RAD51B: variants seen among roughly 807,000 people sequenced by gnomAD.
The protein encoded by RAD51B is RAD51 paralog B.
RAD51B carries 38 observed loss-of-function variants against 42.2 expected under a neutral mutation model. That is an observed-to-expected ratio of 0.90 (90% CI 0.70 to 1.18). The LOEUF is 1.18. RAD51B is among the 50% of genes most tolerant of loss of function. The pLI is 0.00. For missense variants in RAD51B, 373 were observed against 400.7 expected (o/e 0.93, Z 0.59); for synonymous variants, 154 against 145.2 (o/e 1.06, Z -0.43).
At chr14:68,192,125 CCAGA>C (rs2079280195) in intron 7 of RAD51B, among the ~76,000 whole-genome samples, 1 of 152,158 alleles carries the variant, frequency 6.6e-6, no homozygotes, top group African/African-American at 2.4e-5. Context: ...CACCTACAGG[CCAGA>C]CAAAGCCAAG....
At chr14:68,560,859 T>C (rs1430308743) in intron 10 of RAD51B, among the ~76,000 whole-genome samples, 2 of 152,092 alleles carry the variant, frequency 1.3e-5, no homozygotes, top group East Asian at 3.9e-4. Flanking sequence ...CAAGGCTACT[T>C]GACTTCGCTT....
chr14:68,460,353 TG>T (rs1221343883), intron 9 of RAD51B, among the ~76,000 whole-genome samples: 25 of 152,120 alleles, frequency 1.6e-4, no homozygotes, highest in Admixed American at 1.6e-3. Context: ...CTCGGGAGGC[TG>T]AGGCAGGAGA....
chr14:68,086,871 C>T (rs2076993174), intron 7 of RAD51B, among the ~76,000 whole-genome samples: 1 of 152,184 alleles, frequency 6.6e-6, no homozygotes, highest in African/African-American at 2.4e-5. Flanking sequence ...CGCGGTGGCT[C>T]ATGACTGTCA....
At chr14:68,674,900 C>A (rs1860268227) in intron 11 of RAD51B, among the ~76,000 whole-genome samples, 1 of 152,212 alleles carries the variant, frequency 6.6e-6, no homozygotes, top group Admixed American at 6.5e-5. Flanking sequence ...GGACGATGGG[C>A]CGCTGCTCAG....
intron 7 of RAD51B, among the ~76,000 whole-genome samples, chr14:67,997,679 A>G (rs1473944831): frequency 1.3e-5 from 2 of 152,150 alleles, no homozygotes; most frequent in African/African-American, 4.8e-5. Flanking sequence ...ATTTTTGGCC[A>G]TTAATTTTTC....
At chr14:68,679,811 A>C (rs892888511) in intron 11 of RAD51B, among the ~76,000 whole-genome samples, 1 of 152,178 alleles carries the variant, frequency 6.6e-6, no homozygotes, top group Non-Finnish European at 1.5e-5. Flanking sequence ...CAGGCCCCTG[A>C]TTGCCAAGTT....
At chr14:68,607,329 A>G (rs1351418044) in intron 10 of RAD51B, among the ~76,000 whole-genome samples, 2 of 152,112 alleles carry the variant, frequency 1.3e-5, no homozygotes, top group South Asian at 4.1e-4. Context: ...TCTTGTCCCA[A>G]TCCTGAGAGT....
At chr14:68,042,205 T>C (rs1335749922) in intron 7 of RAD51B, among the ~76,000 whole-genome samples, 1 of 152,228 alleles carries the variant, frequency 6.6e-6, no homozygotes, top group East Asian at 1.9e-4. Context: ...ATTTATATAG[T>C]TGTTTATTCA....
chr14:68,543,218 G>C (rs544693000), intron 10 of RAD51B, among the ~76,000 whole-genome samples: 1 of 152,318 alleles, frequency 6.6e-6, no homozygotes, highest in African/African-American at 2.4e-5. Context: ...TACAAAAATA[G>C]GTAGTGGGCT....
intron 8 of RAD51B, among the ~76,000 whole-genome samples, chr14:68,343,840 C>T (rs778507099): frequency 6.6e-6 from 1 of 152,274 alleles, no homozygotes. Context: ...ATCTCCAGCT[C>T]CAGCTCAAAG....
At chr14:68,526,447 A>G (rs139286444) in intron 10 of RAD51B, among the ~76,000 whole-genome samples, 35 of 152,348 alleles carry the variant, frequency 2.3e-4, no homozygotes, top group African/African-American at 8.4e-4. Context: ...ATGTGACCGT[A>G]TTATACGTCC....
At chr14:68,206,862 TCA>T (rs2079599897) in intron 7 of RAD51B, among the ~76,000 whole-genome samples, 1 of 149,968 alleles carries the variant, frequency 6.7e-6, no homozygotes, top group Admixed American at 6.7e-5. Context: ...CGATCTCGGC[TCA>T]CTGCAAGCCC....
At chr14:67,830,167 C>T (rs1225370482) in intron 3 of RAD51B, among the ~76,000 whole-genome samples, 5 of 152,010 alleles carry the variant, frequency 3.3e-5, no homozygotes, top group Non-Finnish European at 1.5e-5. Context: ...ATTATTAGGG[C>T]TTTGATTTGG....
chr14:68,586,001 A>T (rs1890448984), intron 10 of RAD51B, among the ~76,000 whole-genome samples: 1 of 152,192 alleles, frequency 6.6e-6, no homozygotes, highest in Admixed American at 6.5e-5. Context: ...CCTGCAAAGC[A>T]TCCACGGCAC....
intron 7 of RAD51B, among the ~76,000 whole-genome samples, chr14:68,067,931 C>CAAAAAAAAAAAAA (rs913150528): frequency 4.0e-5 from 1 of 24,704 alleles, no homozygotes; most frequent in Non-Finnish European, 9.0e-5. Context: ...GACTCCATCT[C>CAAAAAAAAAAAAA]AAAAAAAAAA....
rs548398423 is a variant in RAD51B, at chr14:67,868,228, G to A, written c.452+3089G>A. Among the ~76,000 whole-genome samples, 18 of 152,262 alleles carry A rather than the reference G, an allele frequency of 1.2e-4. No homozygotes were observed. The East Asian group carries it at 2.1e-3, about 18-fold the overall frequency. Reference sequence around the variant, plus strand: ...AGTGGGCGCAGGTCAGTGGGTGCCCGCACCACATGCAAGCCGAAGCAGGGC... The same window carrying A: ...AGTGGGCGCAGGTCAGTGGGTGCCCACACCACATGCAAGCCGAAGCAGGGC... On this transcript the variant is annotated intron_variant, in intron 5 of 10. Coordinates refer to ENST00000471583, the MANE Select transcript of RAD51B (RefSeq NM_133510.4).
At chr14:68,561,631 G>A (rs917368283) in intron 10 of RAD51B, among the ~76,000 whole-genome samples, 1 of 152,234 alleles carries the variant, frequency 6.6e-6, no homozygotes, top group African/African-American at 2.4e-5. Context: ...TCAGGGACCA[G>A]CAGCGTGAGG....
chr14:68,634,465 C>G (rs983928946), intron 10 of RAD51B, among the ~76,000 whole-genome samples: 2 of 152,102 alleles, frequency 1.3e-5, no homozygotes, highest in Non-Finnish European at 2.9e-5. Flanking sequence ...GAGGAGAGAA[C>G]GTGCTCAAAA....
At chr14:68,637,990 C>T (rs1281957726) in intron 10 of RAD51B, among the ~76,000 whole-genome samples, 1 of 152,244 alleles carries the variant, frequency 6.6e-6, no homozygotes, top group Non-Finnish European at 1.5e-5. Flanking sequence ...GGGCAGGGCC[C>T]AGAAACTTTG....
Sources: gnomAD v4.1 joint callset for allele counts (sites outside exome capture counted in the v4.1 genomes callset) on GRCh38, gnomAD v4.1.1 for gene constraint, MANE v1.5 for transcripts, NCBI Gene and HGNC (gene_info 2026-07-23, HGNC 2026-07-21) for gene names.